Variants in SNX29 observed in about 807,000 individuals in gnomAD.
SNX29 encodes the protein sorting nexin-29.
Under a neutral mutation model 102.1 loss-of-function variants are expected in SNX29, and 78 were observed. The ratio of observed to expected loss-of-function variants is 0.76; its 90% CI spans 0.64 to 0.92. SNX29 has a LOEUF of 0.92. Ranked by LOEUF, SNX29 falls within the 40% of genes least tolerant of loss-of-function variation. The pLI, the probability that SNX29 is intolerant of heterozygous loss-of-function variation, is 0.00. For synonymous variants in SNX29, 580 were observed against 414.5 expected (o/e 1.40, Z -4.85); for missense variants, 1,280 against 1,061.7 (o/e 1.21, Z -2.86).
rs186927859 is a variant in SNX29, at chr16:12,513,538, G to A, written c.2179-11164G>A. Among the ~76,000 whole-genome samples the A allele has an allele frequency of 9.1e-4, 138 of 152,154 alleles. 3 individuals are homozygous for A. Among genetic ancestry groups the A allele is most frequent in the Admixed American group, 7.1e-3 (108 of 15,284 alleles). On this transcript the variant is annotated intron_variant, in intron 19 of 20. Transcript: ENST00000566228. ...CTCCCCTCTTCTGTCCATGCCTGGT[G>A]CGTTCCAGGTGGTGATCACCTAGAA...
At chr16:12,358,074 A>G (rs1419605487) in intron 16 of SNX29, among the ~76,000 whole-genome samples, 2 of 152,186 alleles carry the variant, frequency 1.3e-5, no homozygotes, top group East Asian at 1.9e-4. Context: ...TCCTGGGTCC[A>G]TTACACAAAC....
chr16:12,210,789 C>T lies in SNX29; in HGVS notation c.1678+11106C>T, dbSNP rs532855146. 3.5e-3 allele frequency among the ~76,000 whole-genome samples: 528 copies of T among 152,188 alleles called. 3 individuals are homozygous for T. Among genetic ancestry groups the T allele is most frequent in the Non-Finnish European group, 6.0e-3 (410 of 68,004 alleles). ...CCCTATCTCCTCCCCTCCTCTCTCCCTTCTCTCTTGTTTCACTCTGCTCCG... is the reference window on the plus strand; with the variant it reads ...CCCTATCTCCTCCCCTCCTCTCTCCTTTCTCTCTTGTTTCACTCTGCTCCG... On this transcript the variant is annotated intron_variant, in intron 14 of 20. Transcript: ENST00000566228.
At chr16:12,328,838 A>G (rs1031069560) in intron 15 of SNX29, among the ~76,000 whole-genome samples, 2 of 152,088 alleles carry the variant, frequency 1.3e-5, no homozygotes, top group African/African-American at 2.4e-5. Flanking sequence ...TGTAACAGAC[A>G]ATTCTGAGAA....
Position 12,047,651 on chromosome 16 carries a change from CTTTTTTT to C in SNX29, c.500-704_500-698del, listed in dbSNP as rs376623418. 3.6e-3 allele frequency among the ~76,000 whole-genome samples: 461 copies of C among 126,592 alleles called. 4 individuals carry two copies. The highest frequency in any genetic ancestry group is 9.5e-3 in the South Asian group (34 of 3,580). 83.0% of individuals were successfully genotyped at this position (126,592 alleles called of 152,430 possible). A position where few individuals can be genotyped will look rare whatever the true frequency, so the allele number is the denominator to read the frequency against. On this transcript the variant is annotated intron_variant, in intron 6 of 20. Transcript: ENST00000566228. ...AGATGCTAAGTTGCTGGACCAAGGT[CTTTTTTT>C]TTTTTTTTTTTTTTTTGAGACGGAG...
intron 18 of SNX29, among the ~76,000 whole-genome samples, chr16:12,418,247 CA>C (rs1171046871): frequency 6.6e-6 from 1 of 152,098 alleles, no homozygotes; most frequent in African/African-American, 2.4e-5. Context: ...CACTTTTCAC[CA>C]ATTGCCGCAA....
At chr16:12,421,633 C>T (rs918177739) in intron 18 of SNX29, among the ~76,000 whole-genome samples, 1 of 152,174 alleles carries the variant, frequency 6.6e-6, no homozygotes, top group African/African-American at 2.4e-5. Context: ...CAATGTCTGA[C>T]ACATGGGAAG....
chr16:12,397,268 A>G (rs142589616), intron 16 of SNX29, among the ~76,000 whole-genome samples: 2 of 152,344 alleles, frequency 1.3e-5, no homozygotes, highest in African/African-American at 4.8e-5. Context: ...GAAGCCTTCA[A>G]GACTACTTCA....
chr16:12,378,824 C>T (rs75565986), intron 16 of SNX29, among the ~76,000 whole-genome samples: 149 of 152,294 alleles, frequency 9.8e-4, no homozygotes, highest in African/African-American at 3.4e-3. Context: ...GTCCGTCTCC[C>T]CTCATGGAAA....
At chr16:12,392,272 C>T (rs1339862584) in intron 16 of SNX29, among the ~76,000 whole-genome samples, 1 of 152,164 alleles carries the variant, frequency 6.6e-6, no homozygotes, top group African/African-American at 2.4e-5. Context: ...TCCTTGTTTC[C>T]AGGCTTTTAT....
intron 15 of SNX29, among the ~76,000 whole-genome samples, chr16:12,319,709 C>G (rs2080866730): frequency 6.6e-6 from 1 of 152,130 alleles, no homozygotes; most frequent in South Asian, 2.1e-4. Context: ...TCGGCCATAG[C>G]TCTCTGTAGT....
At chr16:12,274,257 G>T (rs553497615) in intron 14 of SNX29, among the ~76,000 whole-genome samples, 1 of 152,234 alleles carries the variant, frequency 6.6e-6, no homozygotes, top group African/African-American at 2.4e-5. Flanking sequence ...TTTCCATGTT[G>T]CTGTTTAGAA....
intron 19 of SNX29, among the ~76,000 whole-genome samples, chr16:12,505,919 A>G (rs1567632129): frequency 6.6e-5 from 10 of 151,822 alleles, no homozygotes; most frequent in Admixed American, 5.9e-4. Context: ...ATTTCTTTTG[A>G]TCATATTTTG....
chr16:12,310,120 G>GCACACACACATGCA (rs3971211), intron 15 of SNX29, among the ~76,000 whole-genome samples: 2 of 151,730 alleles, frequency 1.3e-5, no homozygotes, highest in African/African-American at 4.8e-5. Flanking sequence ...ACACGTGCAC[G>GCACACACACATGCA]CACACATGCA....
chr16:12,000,867 G>GTT (rs2056262729), intron 2 of SNX29, among the ~76,000 whole-genome samples: 1 of 152,176 alleles, frequency 6.6e-6, no homozygotes. Flanking sequence ...TCCCTGAGCA[G>GTT]CTCTCTGCTC....
At chr16:12,144,943 T>G (rs1012109000) in intron 13 of SNX29, among the ~76,000 whole-genome samples, 25 of 152,130 alleles carry the variant, frequency 1.6e-4, no homozygotes, top group Admixed American at 7.9e-4. Context: ...GGATGGTCTC[T>G]ATCTCCTGAC....
intron 18 of SNX29, among the ~76,000 whole-genome samples, chr16:12,464,697 C>T (rs1467193482): frequency 6.6e-6 from 1 of 152,172 alleles, no homozygotes; most frequent in Non-Finnish European, 1.5e-5. Flanking sequence ...TCAAGGGATC[C>T]TCCCACCTCA....
intron 18 of SNX29, among the ~76,000 whole-genome samples, chr16:12,475,017 C>G (rs2087525586): frequency 6.6e-6 from 1 of 152,262 alleles, no homozygotes; most frequent in African/African-American, 2.4e-5. Context: ...TCCAGTTCCT[C>G]TCCATCTGTG....
At chr16:12,330,532 C>T (rs754415121) in intron 15 of SNX29, among the ~76,000 whole-genome samples, 13 of 152,184 alleles carry the variant, frequency 8.5e-5, no homozygotes, top group Non-Finnish European at 1.6e-4. Context: ...TTTAATCCTC[C>T]CGACAGCTCT....
chr16:12,224,399 G>A (rs1283892627), intron 14 of SNX29, among the ~76,000 whole-genome samples: 1 of 152,170 alleles, frequency 6.6e-6, no homozygotes, highest in African/African-American at 2.4e-5. Context: ...CCTGAGACAT[G>A]GTCACTCCCC....
Sources: gnomAD v4.1 joint callset for allele counts (sites outside exome capture counted in the v4.1 genomes callset) on GRCh38, gnomAD v4.1.1 for gene constraint, MANE v1.5 for transcripts, NCBI Gene and HGNC (gene_info 2026-07-23, HGNC 2026-07-21) for gene names.